DST: variants seen among roughly 807,000 people sequenced by gnomAD.
The protein encoded by DST is dystonin, also known as bullous pemphigoid antigen.
A neutral mutation model predicts 875.2 loss-of-function variants in DST; 253 were observed. The ratio of observed to expected loss-of-function variants is 0.29; its 90% CI spans 0.26 to 0.32. The LOEUF is 0.32. Among genes scored for constraint, DST ranks in the 10% least tolerant of loss-of-function variants. The probability of loss-of-function intolerance (pLI) is 1.00; values close to 1 mark genes in which losing one functional copy is unlikely to be tolerated. For synonymous variants in DST, 3,124 were observed against 3,197.1 expected (o/e 0.98, Z 0.77); for missense variants, 8,287 against 9,111.6 (o/e 0.91, Z 3.68).
In DST at chr6:56,505,836, T is replaced by TA. The variant is rs543619565; in HGVS notation, c.19464+606dup. Among the ~76,000 whole-genome samples, 19 of 151,182 alleles carry TA rather than the reference T, an allele frequency of 1.3e-4. No homozygotes were observed. The East Asian group carries it at 2.5e-3, about 20-fold the overall frequency. ...CAACTGACAAGATAATTTTTAATAT[T>TA]AAAAAAAAACCTTATAAATGGTTAA... On this transcript the variant is annotated intron_variant, in intron 77 of 103. Coordinates refer to ENST00000680361, the MANE Select transcript of DST (RefSeq NM_001374736.1).
chr6:56,700,281 C>A (rs1411429107), intron 8 of DST, among the ~76,000 whole-genome samples: 2 of 152,168 alleles, frequency 1.3e-5, no homozygotes, highest in Non-Finnish European at 2.9e-5. Flanking sequence ...TGAAACCAGT[C>A]CCTGTTGCCA....
At chr6:56,641,666 G>A (rs1302563993) in intron 17 of DST, among the ~76,000 whole-genome samples, 1 of 152,090 alleles carries the variant, frequency 6.6e-6, no homozygotes, top group Non-Finnish European at 1.5e-5. Context: ...GTATGTAAAT[G>A]TATGCATGTA....
intron 61 of DST, among the ~76,000 whole-genome samples, chr6:56,537,232 T>A (rs912779667): frequency 6.6e-6 from 1 of 152,262 alleles, no homozygotes; most frequent in Non-Finnish European, 1.5e-5. Flanking sequence ...TCTTTATTGC[T>A]TCATTATCAT....
rs148151150 is a variant in DST, at chr6:56,797,886, G to A, written c.625+53511C>T. ...GATAAGAAACAGCCTTACTGCTGAC[G>A]TGGAGAAAGTTTCAGTGATCTAGAC... On this transcript the variant is annotated intron_variant, in intron 4 of 103. Transcript: ENST00000680361. Among the ~76,000 whole-genome samples, 509 of 148,126 alleles carry A rather than the reference G, an allele frequency of 3.4e-3. 4 individuals are homozygous for A. The highest frequency in any genetic ancestry group is 0.012 in the African/African-American group (492 of 40,198).
At chr6:56,794,360 C>T (rs533683766) in intron 4 of DST, among the ~76,000 whole-genome samples, 4 of 152,152 alleles carry the variant, frequency 2.6e-5, no homozygotes, top group South Asian at 4.2e-4. Context: ...AAACACATTA[C>T]GTTGACAGTA....
chr6:56,911,557 A>G (rs547413396), intron 2 of DST, among the ~76,000 whole-genome samples: 11 of 152,340 alleles, frequency 7.2e-5, no homozygotes, highest in African/African-American at 2.6e-4. Context: ...GAGGCCTTTA[A>G]TCTGTAACCA....
At chr6:56,834,583 C>A (rs1401903595) in intron 4 of DST, among the ~76,000 whole-genome samples, 1 of 150,186 alleles carries the variant, frequency 6.7e-6, no homozygotes, top group Non-Finnish European at 1.5e-5. Context: ...AGTGACAGTG[C>A]GAGACTCCAA....
At position 56,466,651 on chromosome 6, in the gene DST, C is replaced by T. The variant is rs10484789; in HGVS notation, c.22570-456G>A. The stretch of plus-strand genomic sequence containing the variant: ...TCTCTTACAGTAAAACCGTTTTCCA[C>T]TGAACTCTGTGAGAAATCTTTATAA... On this transcript the variant is annotated intron_variant, in intron 98 of 103. Transcript: ENST00000680361. 1,437 of 152,374 alleles carry T rather than the reference C, an allele frequency of 9.4e-3. 26 individuals carry two copies. Among genetic ancestry groups the T allele is most frequent in the African/African-American group, 0.032 (1,330 of 41,568 alleles). The allele number at this position is 152,374 out of a possible 1,614,324, so 9.4% of individuals were successfully genotyped here. A position where few individuals can be genotyped will look rare whatever the true frequency, so the allele number is the denominator to read the frequency against.
In DST at chr6:56,617,223, C is replaced by G. The variant is rs762758513; in HGVS notation, c.4930-2739G>C. ...TGGAATTTAAATTCATCATCCCTGA[C>G]TGAACATGCATGATCACCATCAAAG... is the stretch of plus-strand genomic sequence containing the variant. On this transcript the variant is annotated intron_variant, in intron 36 of 103. Coordinates refer to ENST00000680361, the MANE Select transcript of DST (RefSeq NM_001374736.1). 1.2e-6 allele frequency: 2 copies of G among 1,601,252 alleles called. No homozygotes were observed. Among genetic ancestry groups the G allele is most frequent in the Admixed American group, 3.4e-5 (2 of 58,516 alleles).
intron 62 of DST, among the ~76,000 whole-genome samples, chr6:56,535,548 G>A (rs571709748): frequency 6.6e-6 from 1 of 152,122 alleles, no homozygotes; most frequent in Non-Finnish European, 1.5e-5. Flanking sequence ...TTTTTGGATT[G>A]TCTAATACGT....
chr6:56,635,844 T>G, intron 23 of DST, 130 bp from the exon 24 acceptor site: 1 of 932,976 alleles, frequency 1.1e-6, no homozygotes, highest in East Asian at 2.4e-5. Flanking sequence ...ACAAGATAGC[T>G]TAATAGTCAC....
chr6:56,524,925 A>G (rs2096770649), intron 69 of DST, among the ~76,000 whole-genome samples: 1 of 151,674 alleles, frequency 6.6e-6, no homozygotes, highest in Non-Finnish European at 1.5e-5. Flanking sequence ...TCTATCAGAA[A>G]AAAAAAATCA....
At chr6:56,631,793 T>C (rs1251145013) in intron 29 of DST, 90 bp downstream of exon 29, 7 of 1,223,924 alleles carry the variant, frequency 5.7e-6, no homozygotes, top group Non-Finnish European at 7.2e-6. Flanking sequence ...AGTGTGAGTG[T>C]GCAAAACTGA....
chr6:56,569,576 CTAAG>C (rs2097749475), intron 54 of DST, among the ~76,000 whole-genome samples: 1 of 151,974 alleles, frequency 6.6e-6, no homozygotes, highest in Non-Finnish European at 1.5e-5. Flanking sequence ...ATTACTGAAA[CTAAG>C]TAGAGATTTG....
Position 56,873,735 on chromosome 6 carries a change from A to C in DST, c.418-22131T>G, listed in dbSNP as rs147786031. 2.5e-3 allele frequency among the ~76,000 whole-genome samples: 375 copies of C among 152,312 alleles called. 3 individuals carry two copies. Among genetic ancestry groups the C allele is most frequent in the Non-Finnish European group, 1.9e-3 (128 of 68,026 alleles). ...AAGGTTGGGCGGAGAGGGGAGATGAAGAGAGGTTGGTTAATGAGCACAAAA... is the reference window on the plus strand; with the variant it reads ...AAGGTTGGGCGGAGAGGGGAGATGACGAGAGGTTGGTTAATGAGCACAAAA... On this transcript the variant is annotated intron_variant, in intron 3 of 103. Transcript: ENST00000680361.
At chr6:56,678,311 C>T (rs1011823191) in intron 9 of DST, among the ~76,000 whole-genome samples, 34 of 152,356 alleles carry the variant, frequency 2.2e-4, no homozygotes, top group African/African-American at 7.7e-4. Context: ...AGGTATTTAA[C>T]TTCTAAAAGT....
At position 56,460,637 on chromosome 6, in the gene DST, T is replaced by C. The variant is rs141108712; in HGVS notation, c.23071-383A>G. On this transcript the variant is annotated intron_variant, in intron 102 of 103. Transcript: ENST00000680361. ...GCTAAAAAGATGGTGACTGCATGCA[T>C]AGAGGGGGCATGGAGCAGAGAAAAA... The C allele has an allele frequency of 3.0e-3, 477 of 156,796 alleles. 3 individuals carry two copies. The highest frequency in any genetic ancestry group is 0.011 in the African/African-American group (464 of 41,712). The allele number at this position is 156,796 out of a possible 1,614,324, so 9.7% of individuals were successfully genotyped here. A position where few individuals can be genotyped will look rare whatever the true frequency, so the allele number is the denominator to read the frequency against.
chr6:56,515,577 A>G lies in DST; in HGVS notation c.18449T>C (p.Val6150Ala), dbSNP rs2096571460. The G allele has an allele frequency of 6.2e-7, 1 of 1,613,928 alleles. No homozygotes were observed. The highest frequency in any genetic ancestry group is 8.5e-7 in the Non-Finnish European group (1 of 1,179,844). The change falls in exon 72 of 104, where the codon GTT becomes GCT. Residue 6150 changes from valine (V) to alanine (A), a missense_variant. Val to Ala is a moderately conservative substitution (Grantham distance 64). Transcript: ENST00000680361. The part of the protein sequence containing the change: ...YLQLERAQSL[V>A]NQFWETYEEL... ...TTCATATGTTTCCCAGAATTGGTTA[A>G]CCAGGGACTGTGCCCGTTCCAGCTG...
intron 103 of DST, 109 bp from the exon 104 acceptor site, chr6:56,459,376 T>C (rs2094204954): frequency 8.5e-7 from 1 of 1,179,946 alleles, no homozygotes; most frequent in African/African-American, 1.6e-5. Context: ...TGGTGTGTAG[T>C]AGGCACTCAG....
Sources: allele counts gnomAD v4.1 joint callset (sites outside exome capture counted in the v4.1 genomes callset), GRCh38; gene constraint gnomAD v4.1.1; transcripts MANE v1.5; gene names NCBI Gene and HGNC (gene_info 2026-07-23, HGNC 2026-07-21).